Variants in LAP3 observed in about 807,000 individuals in gnomAD.
LAP3 encodes the protein leucine aminopeptidase 3.
Under a neutral mutation model 58.8 loss-of-function variants are expected in LAP3, and 46 were observed. The ratio of observed to expected loss-of-function variants is 0.78; its 90% confidence interval spans 0.62 to 1.00. The LOEUF is 1.00. LAP3 is among the 50% of genes least tolerant of loss of function. The pLI is 0.00. For missense variants in LAP3, 615 were observed against 659.1 expected, an observed-to-expected ratio of 0.93 and a Z score of 0.73; for synonymous variants, 257 against 237.7, an observed-to-expected ratio of 1.08 and a Z score of -0.75.
chr4:17,586,851 A>C (rs1713528383), intron 6 of LAP3, among the ~76,000 whole-genome samples: 1 of 152,192 alleles, frequency 6.6e-6, no homozygotes, highest in African/African-American at 2.4e-5. Context: ...CATGACTGTA[A>C]TCCCAGCACT....
chr4:17,606,460 T>C (rs532441884), intron 11 of LAP3, among the ~76,000 whole-genome samples: 1 of 152,242 alleles, frequency 6.6e-6, no homozygotes, highest in South Asian at 2.1e-4. Context: ...TGCCTCAGCC[T>C]CCGGAGTAGC....
intron 2 of LAP3, among the ~76,000 whole-genome samples, chr4:17,581,292 G>A (rs915102894): frequency 2.0e-5 from 3 of 152,318 alleles, no homozygotes; most frequent in South Asian, 2.1e-4. Context: ...AGATTCATTC[G>A]GTTCAGCGTC....
chr4:17,593,209 G>T (rs1560345618), intron 7 of LAP3, among the ~76,000 whole-genome samples: 2 of 152,202 alleles, frequency 1.3e-5, no homozygotes, highest in African/African-American at 4.8e-5. Context: ...GAATTGTAAG[G>T]TTTTTTAAAA....
intron 11 of LAP3, among the ~76,000 whole-genome samples, chr4:17,605,118 CCACACACACACA>C (rs10609509): frequency 6.8e-5 from 10 of 146,928 alleles, no homozygotes; most frequent in Non-Finnish European, 1.5e-4. Flanking sequence ...ACCCTCACTT[CCACACACACACA>C]CACACACACA....
intron 6 of LAP3, among the ~76,000 whole-genome samples, chr4:17,588,183 A>G (rs2109019893): frequency 7.1e-6 from 1 of 140,752 alleles, no homozygotes; most frequent in South Asian, 2.3e-4. Flanking sequence ...AGGCACCAAC[A>G]TGCCTGGCTA....
intron 9 of LAP3, among the ~76,000 whole-genome samples, chr4:17,597,357 C>A (rs1379704083): frequency 6.6e-6 from 1 of 152,196 alleles, no homozygotes; most frequent in African/African-American, 2.4e-5. Flanking sequence ...CTCACTGCAG[C>A]CTTGACCTCC....
Position 17,577,536 on chromosome 4 carries a change from G to C in LAP3, c.71G>C (p.Ser24Thr), listed in dbSNP as rs1388261966. The C allele has an allele frequency of 1.9e-6, 3 of 1,575,462 alleles. No individual in the cohort carries two copies. The highest frequency in any genetic ancestry group is 2.6e-6 in the Non-Finnish European group (3 of 1,162,018). ...VRRLAVRRFG[S>T]RSLSTADMTK... ...CGTCTGGCCGTGAGACGTTTCGGGA[G>C]CCGGAGTCTCTCCACCGCAGACATG... is the stretch of plus-strand genomic sequence containing the variant. Residue 24 changes from serine to threonine, a missense_variant, in exon 1 of 13, where the codon AGC (serine) becomes ACC (threonine). Physicochemically the swap from Ser to Thr is moderately conservative, Grantham distance 58 (BLOSUM62 1). Transcript: ENST00000226299.
At position 17,607,804 on chromosome 4, in the gene LAP3, A is replaced by G. The variant is rs1714183782; in HGVS notation, c.*215A>G. 2.3e-6 allele frequency: 1 copy of G among 440,602 alleles called. No individual in the cohort carries two copies. The allele number at this position is 440,602 out of a possible 1,614,324, so 27.3% of individuals were successfully genotyped here. A position where few individuals can be genotyped will look rare whatever the true frequency, so the allele number is the denominator to read the frequency against. On this transcript the variant is annotated 3_prime_UTR_variant, in exon 13 of 13. Coordinates refer to ENST00000226299, the MANE Select transcript of LAP3 (RefSeq NM_015907.3). ...ATCTTACTTGATAAGGATTTTTAAG[A>G]TACTCTATAAATGATTAAAATTTTT...
intron 10 of LAP3, 31 bp from the exon 11 acceptor site, chr4:17,604,557 T>G (rs1714068239): frequency 1.3e-6 from 2 of 1,590,668 alleles, no homozygotes; most frequent in South Asian, 1.1e-5. Context: ...CTGGAGAGAC[T>G]GCACGTGACC....
At position 17,577,524 on chromosome 4, in the gene LAP3, GA is replaced by G; in HGVS notation, c.60del (p.Arg20SerfsTer13). On this transcript the variant is annotated frameshift_variant, in exon 1 of 13. Transcript: ENST00000226299. LOFTEE classifies it high-confidence loss of function. Reference sequence around the variant, plus strand: ...GTAGTCGTCCGACGTCTGGCCGTGAGACGTTTCGGGAGCCGGAGTCTCTCCA... The same window carrying G: ...GTAGTCGTCCGACGTCTGGCCGTGAGCGTTTCGGGAGCCGGAGTCTCTCCA... ...GRVVVRRLAV[R>X]RFGSRSLSTA... 2 of 1,582,634 alleles carry G rather than the reference GA, an allele frequency of 1.3e-6. No individual in the cohort carries two copies. The highest frequency in any genetic ancestry group is 1.7e-6 in the Non-Finnish European group (2 of 1,165,878).
At chr4:17,588,774 T>C in intron 6 of LAP3, 45 bp from the exon 7 acceptor site, 1 of 1,535,938 alleles carries the variant, frequency 6.5e-7, no homozygotes, top group East Asian at 2.3e-5. Flanking sequence ...TATTTTGAAA[T>C]AAAGGTAACA....
At chr4:17,588,239 T>G (rs964705589) in intron 6 of LAP3, among the ~76,000 whole-genome samples, 1 of 152,074 alleles carries the variant, frequency 6.6e-6, no homozygotes, top group African/African-American at 2.4e-5. Flanking sequence ...CTCAACTTGT[T>G]GCCTAGGCTG....
chr4:17,585,114 A>G lies in LAP3; in HGVS notation c.682A>G (p.Ser228Gly). Residue 228 changes from serine to glycine, a missense_variant, in exon 6 of 13, where the codon AGT becomes GGT. Physicochemically the swap from Ser to Gly is moderately conservative, Grantham distance 56 (BLOSUM62 0). Coordinates refer to ENST00000226299, the MANE Select transcript of LAP3 (RefSeq NM_015907.3). ...TGAGAAGAATCTCAAAAGTGCTAGTAGTAAAACCGAGGTCCATATCAGGTA... is the reference window on the plus strand; with the variant it reads ...TGAGAAGAATCTCAAAAGTGCTAGTGGTAAAACCGAGGTCCATATCAGGTA... ...IIEKNLKSAS[S>G]KTEVHIRPKS... 6.2e-7 allele frequency: 1 copy of G among 1,613,702 alleles called. No homozygotes were observed. Among genetic ancestry groups the G allele is most frequent in the East Asian group, 2.2e-5 (1 of 44,864 alleles).
intron 6 of LAP3, among the ~76,000 whole-genome samples, chr4:17,587,262 G>A (rs1713542587): frequency 6.6e-6 from 1 of 152,144 alleles, no homozygotes; most frequent in African/African-American, 2.4e-5. Context: ...CATGGGTGGG[G>A]TATGACTCGT....
Position 17,582,378 on chromosome 4 carries a change from A to G in LAP3, c.364A>G (p.Arg122Gly). The part of the protein sequence containing the change: ...ENWHEGKENI[R>G]AAVAAGCRQI... The stretch of plus-strand genomic sequence containing the variant: ...CTGGCATGAAGGCAAAGAAAACATC[A>G]GAGCTGCTGTTGCAGGTTATTTCAC... The change falls in exon 4 of 13, where the codon AGA becomes GGA. Residue 122 changes from arginine (R) to glycine (G), a missense_variant. Coordinates refer to ENST00000226299, the MANE Select transcript of LAP3 (RefSeq NM_015907.3). 1 of 1,613,614 alleles carries G rather than the reference A, an allele frequency of 6.2e-7. No individual in the cohort carries two copies. The highest frequency in any genetic ancestry group is 8.5e-7 in the Non-Finnish European group (1 of 1,179,676).
intron 9 of LAP3, 77 bp downstream of exon 9, chr4:17,597,211 G>A: frequency 8.3e-7 from 1 of 1,200,012 alleles, no homozygotes; most frequent in Non-Finnish European, 1.2e-6. Flanking sequence ...ACCACAGCTA[G>A]GATGCGTGCA....
intron 7 of LAP3, among the ~76,000 whole-genome samples, chr4:17,594,512 C>T (rs1033262840): frequency 6.6e-6 from 1 of 152,186 alleles, no homozygotes; most frequent in Non-Finnish European, 1.5e-5. Context: ...AACTTAGAGT[C>T]GAAGCCCCTG....
chr4:17,605,679 C>T (rs1714109856), intron 11 of LAP3, among the ~76,000 whole-genome samples: 1 of 152,176 alleles, frequency 6.6e-6, no homozygotes, highest in Non-Finnish European at 1.5e-5. Flanking sequence ...CCCAGTTCTG[C>T]AATACTCAGC....
At chr4:17,604,896 G>A (rs1001580899) in intron 11 of LAP3, among the ~76,000 whole-genome samples, 2 of 152,068 alleles carry the variant, frequency 1.3e-5, no homozygotes, top group East Asian at 3.9e-4. Context: ...TAGCCTCAGC[G>A]TCCTGTGAAA....
Sources: allele counts gnomAD v4.1 joint callset (sites outside exome capture counted in the v4.1 genomes callset), GRCh38; gene constraint gnomAD v4.1.1; transcripts MANE v1.5; gene names NCBI Gene and HGNC (gene_info 2026-07-23, HGNC 2026-07-21).